Variants in SARM1 observed in about 807,000 individuals in gnomAD.
The protein encoded by SARM1 is sterile alpha and TIR motif containing 1, also known as NAD(+) hydrolase SARM1.
In SARM1, 60 loss-of-function variants were observed where a neutral mutation model predicts 65.1. The observed-to-expected ratio is 0.92, with a 90% CI of 0.75 to 1.14. SARM1 has a LOEUF of 1.14. Ranked by LOEUF, SARM1 falls within the 50% of genes most tolerant of loss-of-function variation. The probability of loss-of-function intolerance (pLI) is 0.00; values close to 1 mark genes in which losing one functional copy is unlikely to be tolerated. For missense variants in SARM1, 913 were observed against 1,015.7 expected (o/e 0.90, Z 1.37); for synonymous variants, 417 against 465.4 (o/e 0.90, Z 1.34).
rs1304791417 is a variant in SARM1, at chr17:28,392,110, A to AT, written c.1923+3573dup. Among the ~76,000 whole-genome samples, 127 of 150,586 alleles carry AT rather than the reference A, an allele frequency of 8.4e-4. 1 individual carries two copies. The highest frequency in any genetic ancestry group is 2.9e-3 in the African/African-American group (118 of 41,022). On this transcript the variant is annotated intron_variant, in intron 7 of 8. Transcript: ENST00000585482. Reference sequence around the variant, plus strand: ...ATTATCCCTTTCTTTTATTTATTTAATTATTTTTTTTTTTTTGAGGCACAG... The same window carrying AT: ...ATTATCCCTTTCTTTTATTTATTTAATTTATTTTTTTTTTTTTGAGGCACAG...
Position 28,400,763 on chromosome 17 carries a change from G to A in SARM1, c.*4477G>A, listed in dbSNP as rs2142455345. On this transcript the variant is annotated 3_prime_UTR_variant, in exon 9 of 9. Coordinates refer to ENST00000585482, the MANE Select transcript of SARM1 (RefSeq NM_015077.4). ...CACACAGGCCACAGCAGAAAAGAGA[G>A]CACCTGTGAAGAAATAAATACCATA... 1.9e-6 allele frequency: 3 copies of A among 1,566,090 alleles called. No homozygotes were observed. The highest frequency in any genetic ancestry group is 1.7e-6 in the Non-Finnish European group (2 of 1,155,156).
Position 28,400,970 on chromosome 17 carries a change from A to T in SARM1, c.*4684A>T. Reference sequence around the variant, plus strand: ...AGTAGCTGGCACAGAGGGGCTACTAAACAAATGGCTGCTATTAAATCCACA... The same window carrying T: ...AGTAGCTGGCACAGAGGGGCTACTATACAAATGGCTGCTATTAAATCCACA... On this transcript the variant is annotated 3_prime_UTR_variant, in exon 9 of 9. Transcript: ENST00000585482. 5 of 596,978 alleles carry T rather than the reference A, an allele frequency of 8.4e-6. No individual in the cohort carries two copies. The South Asian group carries it at 9.7e-5, about 12-fold the overall frequency. The allele number at this position is 596,978 out of a possible 1,614,324, so 37.0% of individuals were successfully genotyped here.
In SARM1 at chr17:28,384,304, G is replaced by T; in HGVS notation, c.1090-53G>T. 1 of 1,432,894 alleles carries T rather than the reference G, an allele frequency of 7.0e-7. No individual in the cohort carries two copies. 88.8% of individuals were successfully genotyped at this position (1,432,894 alleles called of 1,614,324 possible). A position where few individuals can be genotyped will look rare whatever the true frequency, so the allele number is the denominator to read the frequency against. Reference sequence around the variant, plus strand: ...AAGGAGAGGGACTGGGCACGTGTGGGAGCACCTGGAGAGCTGGTGGGACCT... The same window carrying T: ...AAGGAGAGGGACTGGGCACGTGTGGTAGCACCTGGAGAGCTGGTGGGACCT... On this transcript the variant is annotated intron_variant, in intron 2 of 8. Transcript: ENST00000585482. This position sits in a 1 kb window ranked among gnomAD's most constrained non-coding sequence, Gnocchi z 4.4.
At chr17:28,394,306 G>A (rs2068096700) in intron 7 of SARM1, among the ~76,000 whole-genome samples, 1 of 152,248 alleles carries the variant, frequency 6.6e-6, no homozygotes, top group African/African-American at 2.4e-5. Context: ...GATTGGAAGA[G>A]GGTGGTAGTG....
intron 1 of SARM1, among the ~76,000 whole-genome samples, chr17:28,377,858 T>A (rs1199037124): frequency 2.6e-5 from 4 of 152,158 alleles, no homozygotes; most frequent in Non-Finnish European, 5.9e-5. Flanking sequence ...CCACTACACC[T>A]GGCTAATTTT....
chr17:28,382,415 T>C (rs899641377), intron 2 of SARM1, among the ~76,000 whole-genome samples: 2 of 152,100 alleles, frequency 1.3e-5, no homozygotes, highest in East Asian at 1.9e-4. Context: ...CAGTGGGTAG[T>C]GTAGCCTTTT....
At chr17:28,386,355 G>C (rs2068050416) in intron 5 of SARM1, among the ~76,000 whole-genome samples, 1 of 152,022 alleles carries the variant, frequency 6.6e-6, no homozygotes, top group Admixed American at 6.6e-5. Flanking sequence ...AAAGACATCT[G>C]TGTGACCCCC....
chr17:28,393,078 C>A (rs897258494), intron 7 of SARM1, among the ~76,000 whole-genome samples: 1 of 152,156 alleles, frequency 6.6e-6, no homozygotes. Flanking sequence ...CTCAGAACAA[C>A]GCTTTGAGGT....
rs782736691 is a variant in SARM1 at position 28,384,575 on chromosome 17, G to T, written c.1302+6G>T. On this transcript the variant is annotated splice_donor_region_variant and intron_variant, in intron 3 of 8. Transcript: ENST00000585482. This position sits in a 1 kb window ranked among gnomAD's most constrained non-coding sequence, Gnocchi z 4.4. ...AGTACTGCGAGAGCTTCCGGGTAGAGTCGCGTGGGATACGCCTCCCCCGAG... is the reference window on the plus strand; with the variant it reads ...AGTACTGCGAGAGCTTCCGGGTAGATTCGCGTGGGATACGCCTCCCCCGAG... 4.0e-5 allele frequency: 64 copies of T among 1,592,680 alleles called. No homozygotes were observed. Among genetic ancestry groups the T allele is most frequent in the Non-Finnish European group, 5.2e-5 (61 of 1,170,042 alleles).
rs1276773183 is a variant in SARM1, at chr17:28,372,180, C to T, written c.148C>T (p.Pro50Ser). 2.9e-6 allele frequency: 4 copies of T among 1,361,740 alleles called. No homozygotes were observed. Among genetic ancestry groups the T allele is most frequent in the African/African-American group, 1.5e-5 (1 of 65,210 alleles). The allele number at this position is 1,361,740 out of a possible 1,614,324, so 84.4% of individuals were successfully genotyped here. Residue 50 changes from proline (P) to serine (S), a missense_variant, in exon 1 of 9, where the codon CCC becomes TCC. Pro to Ser is a moderately conservative substitution (Grantham distance 74, BLOSUM62 -1). This residue lies in a region of SARM1 where 862 missense variants were observed against 952.1 expected (regional missense o/e 0.91). Coordinates refer to ENST00000585482, the MANE Select transcript of SARM1 (RefSeq NM_015077.4). The surrounding 1 kb of genome is among the most constrained non-coding windows in gnomAD (Gnocchi z 5.2). ...GPWWAAGGRG[P>S]REVSPGAGTE... ...ATGGTGGGCTGCGGGTGGCCGCGGG[C>T]CCCGCGAAGTGTCGCCGGGGGCAGG...
chr17:28,385,165 G>A lies in SARM1; in HGVS notation c.1520G>A (p.Ser507Asn), dbSNP rs746874324. ...CGCCAGTACACCTACGGCCTGGTCA[G>A]CTGCGGCCTGGACCGCTCCCTGCTG... ...RFRQYTYGLV[S>N]CGLDRSLLHR... Residue 507 changes from serine to asparagine, a missense_variant, in exon 5 of 9, where the codon AGC becomes AAC. Around this residue, in one of 3 missense-constraint regions of SARM1, gnomAD observed 862 missense variants for 952.1 expected, o/e 0.91. Transcript: ENST00000585482. This position sits in a 1 kb window ranked among gnomAD's most constrained non-coding sequence, Gnocchi z 4.5. 1.9e-6 allele frequency: 3 copies of A among 1,611,912 alleles called. No individual in the cohort carries two copies.
At position 28,385,713 on chromosome 17, in the gene SARM1, G is replaced by A. The variant is rs1356276679; in HGVS notation, c.1630+438G>A. ...AGAGTCCATGCAGTGGGGTGTAGGC[G>A]GGAAGGGTGTGCGTATGTGTGTTAT... On this transcript the variant is annotated intron_variant, in intron 5 of 8. Coordinates refer to ENST00000585482, the MANE Select transcript of SARM1 (RefSeq NM_015077.4). The surrounding 1 kb of genome is among the most constrained non-coding windows in gnomAD (Gnocchi z 4.5). Among the ~76,000 whole-genome samples the A allele has an allele frequency of 1.3e-5, 2 of 152,084 alleles. No homozygotes were observed. Among genetic ancestry groups the A allele is most frequent in the Admixed American group, 6.5e-5 (1 of 15,274 alleles).
At position 28,384,799 on chromosome 17, in the gene SARM1, G is replaced by C; in HGVS notation, c.1303-40G>C. ...ATCTTGTGCTCGAGGTCCAAGGGCG[G>C]AGTAGCGAAGCCCTTCCTGACACCC... On this transcript the variant is annotated intron_variant, in intron 3 of 8. Transcript: ENST00000585482. The surrounding 1 kb of genome is among the most constrained non-coding windows in gnomAD (Gnocchi z 4.4). The C allele has an allele frequency of 1.3e-6, 2 of 1,523,180 alleles. No individual in the cohort carries two copies. Among genetic ancestry groups the C allele is most frequent in the Non-Finnish European group, 1.8e-6 (2 of 1,121,024 alleles). 94.4% of individuals were successfully genotyped at this position (1,523,180 alleles called of 1,614,324 possible).
rs1187602665 is a variant in SARM1, at chr17:28,399,710, C to G, written c.*3424C>G. On this transcript the variant is annotated 3_prime_UTR_variant, in exon 9 of 9. Coordinates refer to ENST00000585482, the MANE Select transcript of SARM1 (RefSeq NM_015077.4). The stretch of plus-strand genomic sequence containing the variant: ...CGAGGTGAGGATCAGCCTTTTCCAG[C>G]ATCCTGTGAGAGACCAGAGAGAGAG... The G allele has an allele frequency of 1.9e-6, 3 of 1,613,846 alleles. No homozygotes were observed. The highest frequency in any genetic ancestry group is 2.5e-6 in the Non-Finnish European group (3 of 1,179,898).
Position 28,400,503 on chromosome 17 carries a change from G to C in SARM1, c.*4217G>C, listed in dbSNP as rs2068182546. 1.4e-6 allele frequency: 2 copies of C among 1,462,112 alleles called. No individual in the cohort carries two copies. Among genetic ancestry groups the C allele is most frequent in the South Asian group, 2.6e-5 (2 of 77,560 alleles). The allele number at this position is 1,462,112 out of a possible 1,614,324, so 90.6% of individuals were successfully genotyped here. On this transcript the variant is annotated 3_prime_UTR_variant, in exon 9 of 9. Transcript: ENST00000585482. ...GGCAACCTGGGACAAGACACCCAGA[G>C]GGTAAGGATTCCAGGAATGAAGCTG...
chr17:28,401,751 C>T lies in SARM1; in HGVS notation c.*5465C>T, dbSNP rs1427694082. ...TCCTGAGACCAGCTGCTTTTAAACA[C>T]AGACGTAGGTTTGCATCCTAGCTCC... On this transcript the variant is annotated 3_prime_UTR_variant, in exon 9 of 9. Transcript: ENST00000585482. The T allele has an allele frequency of 6.6e-6, 1 of 152,456 alleles. No homozygotes were observed. Among genetic ancestry groups the T allele is most frequent in the Admixed American group, 6.5e-5 (1 of 15,308 alleles). The allele number at this position is 152,456 out of a possible 1,614,324, so 9.4% of individuals were successfully genotyped here.
chr17:28,371,938 C>G lies in SARM1; in HGVS notation c.-95C>G. 1 of 920,418 alleles carries G rather than the reference C, an allele frequency of 1.1e-6. No individual in the cohort carries two copies. The highest frequency in any genetic ancestry group is 1.5e-6 in the Non-Finnish European group (1 of 661,408). The allele number at this position is 920,418 out of a possible 1,614,324, so 57.0% of individuals were successfully genotyped here. Reference sequence around the variant, plus strand: ...CCATTCCTCCCCCTCCATCTTCTTTCCCCGACCCCTCTCGGGTCCCTCTTT... The same window carrying G: ...CCATTCCTCCCCCTCCATCTTCTTTGCCCGACCCCTCTCGGGTCCCTCTTT... On this transcript the variant is annotated 5_prime_UTR_variant, in exon 1 of 9. Coordinates refer to ENST00000585482, the MANE Select transcript of SARM1 (RefSeq NM_015077.4).
chr17:28,384,773 C>T lies in SARM1; in HGVS notation c.1303-66C>T. On this transcript the variant is annotated intron_variant, in intron 3 of 8. Coordinates refer to ENST00000585482, the MANE Select transcript of SARM1 (RefSeq NM_015077.4). This position sits in a 1 kb window ranked among gnomAD's most constrained non-coding sequence, Gnocchi z 4.4. ...ACGCCATCTCCAGTTCCTTCCCTTGCATCTTGTGCTCGAGGTCCAAGGGCG... is the reference window on the plus strand; with the variant it reads ...ACGCCATCTCCAGTTCCTTCCCTTGTATCTTGTGCTCGAGGTCCAAGGGCG... 1.4e-6 allele frequency: 2 copies of T among 1,420,926 alleles called. No individual in the cohort carries two copies. Among genetic ancestry groups the T allele is most frequent in the Non-Finnish European group, 1.9e-6 (2 of 1,028,122 alleles). The allele number at this position is 1,420,926 out of a possible 1,614,324, so 88.0% of individuals were successfully genotyped here. A position where few individuals can be genotyped will look rare whatever the true frequency, so the allele number is the denominator to read the frequency against.
rs1555585800 is a variant in SARM1 at position 28,385,059 on chromosome 17, G to A, written c.1414G>A (p.Glu472Lys). 1 of 1,613,742 alleles carries A rather than the reference G, an allele frequency of 6.2e-7. No homozygotes were observed. The highest frequency in any genetic ancestry group is 1.7e-5 in the Admixed American group (1 of 60,026). ...GTGCAGGTTCTTTAGGGAGCTCACG[G>A]AGCTCAAGACCTTCGCCAACTATTC... is the stretch of plus-strand genomic sequence containing the variant. Reference protein sequence around the residue: ...TRKRFFRELTELKTFANYSTC... With the variant: ...TRKRFFRELTKLKTFANYSTC... The change falls in exon 5 of 9, where the codon GAG becomes AAG. Residue 472 changes from glutamate to lysine, a missense_variant. By Grantham distance (56) the Glu-to-Lys change is moderately conservative (BLOSUM62 1). Transcript: ENST00000585482. The surrounding 1 kb of genome is among the most constrained non-coding windows in gnomAD (Gnocchi z 4.5).
Sources: gnomAD v4.1 joint callset for allele counts (sites outside exome capture counted in the v4.1 genomes callset) on GRCh38, gnomAD v4.1.1 for gene constraint, gnomAD v4.1.1 regional missense constraint, Gnocchi (gnomAD v3.1) non-coding constraint, MANE v1.5 for transcripts, NCBI Gene and HGNC (gene_info 2026-07-23, HGNC 2026-07-21) for gene names.